KCNN2: variants seen among roughly 807,000 people sequenced by gnomAD.
KCNN2 encodes the protein potassium calcium-activated channel subfamily N member 2, also known as small conductance calcium-activated potassium channel protein 2.
KCNN2 carries 24 observed loss-of-function variants against 55.5 expected under a neutral mutation model. The observed-to-expected ratio is 0.43, with a 90% CI of 0.31 to 0.61. The LOEUF (loss-of-function observed/expected upper bound fraction) is 0.61, where lower values mean the gene tolerates loss of function less well. Ranked by LOEUF, KCNN2 falls within the 20% of genes least tolerant of loss-of-function variation. The pLI, the probability that KCNN2 is intolerant of heterozygous loss-of-function variation, is 0.08. For missense variants in KCNN2, 754 were observed against 853.6 expected, an observed-to-expected ratio of 0.88 and a Z score of 1.45; for synonymous variants, 431 against 336.1, an observed-to-expected ratio of 1.28 and a Z score of -3.09.
At chr5:114,305,488 G>C (rs1007097337) in intron 2 of KCNN2, among the ~76,000 whole-genome samples, 1 of 152,156 alleles carries the variant, frequency 6.6e-6, no homozygotes, top group Non-Finnish European at 1.5e-5. Flanking sequence ...GATGGGTCAA[G>C]GGAGTCAGGG....
chr5:114,292,194 A>C (rs544269058), intron 2 of KCNN2, among the ~76,000 whole-genome samples: 2 of 152,248 alleles, frequency 1.3e-5, no homozygotes, highest in Admixed American at 1.3e-4. Context: ...TCTTTAGTTT[A>C]ATTAGATCCC....
At chr5:114,294,576 G>C (rs1285483377) in intron 2 of KCNN2, among the ~76,000 whole-genome samples, 4 of 151,462 alleles carry the variant, frequency 2.6e-5, no homozygotes, top group Non-Finnish European at 5.9e-5. Flanking sequence ...TATAATTTCT[G>C]TTCTTTTACA....
At chr5:114,313,193 A>G (rs1319943757) in intron 2 of KCNN2, among the ~76,000 whole-genome samples, 1 of 152,134 alleles carries the variant, frequency 6.6e-6, no homozygotes, top group Non-Finnish European at 1.5e-5. Context: ...CTGCTGGAAC[A>G]TTGAAGATTG....
At chr5:114,379,095 A>G (rs140885408) in intron 2 of KCNN2, among the ~76,000 whole-genome samples, 2 of 152,064 alleles carry the variant, frequency 1.3e-5, no homozygotes, top group Non-Finnish European at 2.9e-5. Context: ...AGCACCTCCC[A>G]GCCTTGTCAT....
At chr5:114,219,189 A>G (rs1283850575) in intron 1 of KCNN2, among the ~76,000 whole-genome samples, 5 of 152,212 alleles carry the variant, frequency 3.3e-5, no homozygotes, top group African/African-American at 4.8e-5. Flanking sequence ...CATGTGTTAC[A>G]GTGCTATTTT....
At position 114,076,762 on chromosome 5, in the gene KCNN2, C is replaced by T. The variant is rs564021935; in HGVS notation, c.-271+20262C>T. Among the ~76,000 whole-genome samples the T allele has an allele frequency of 3.3e-5, 5 of 152,242 alleles. No individual in the cohort carries two copies. In the East Asian group the frequency reaches 5.8e-4, roughly 18 times the overall value. On this transcript the variant is annotated intron_variant, in intron 1 of 10. Transcript: ENST00000512097. ...AGGCTGGAGTGCAGTGGTGCGATCT[C>T]GGCTTACTGCAACCTCAGCCTCCCA...
intron 1 of KCNN2, among the ~76,000 whole-genome samples, chr5:114,182,158 C>A (rs183437096): frequency 2.0e-5 from 3 of 152,200 alleles, no homozygotes; most frequent in African/African-American, 7.2e-5. Flanking sequence ...TGCAGAAACT[C>A]AAATGACTTT....
Position 114,362,977 on chromosome 5 carries a change from G to T in KCNN2, c.838G>T (p.Val280Leu), listed in dbSNP as rs368550277. Residue 280 changes from valine to leucine, a missense_variant, in exon 1 of 8, where the codon GTG becomes TTG. This residue lies in a region of KCNN2 where 381 missense variants were observed against 259.1 expected (regional missense o/e 1.47). Coordinates refer to ENST00000673685, the MANE Select transcript of KCNN2 (RefSeq NM_021614.4). ...TTCGTCCTCAGCCCCCGAGATCGTG[G>T]TGTCTAAGCCCGAGCACAACAACTC... ...AVSSSAPEIV[V>L]SKPEHNNSNN... is the part of the protein sequence containing the mutation. 3.8e-6 allele frequency: 6 copies of T among 1,590,404 alleles called. No individual in the cohort carries two copies. In the African/African-American group the frequency reaches 4.0e-5, roughly 11 times the overall value.
chr5:114,102,918 G>GCA (rs1751401972), intron 1 of KCNN2, among the ~76,000 whole-genome samples: 1 of 152,040 alleles, frequency 6.6e-6, no homozygotes, highest in African/African-American at 2.4e-5. Flanking sequence ...TTGGCTATAT[G>GCA]GGCTCTTTTT....
rs1757492095 is a variant in KCNN2, at chr5:114,363,071, G to A, written c.932G>A (p.Ser311Asn). 1.2e-6 allele frequency: 2 copies of A among 1,610,014 alleles called. No individual in the cohort carries two copies. The highest frequency in any genetic ancestry group is 8.5e-7 in the Non-Finnish European group (1 of 1,179,444). Residue 311 changes from serine (S) to asparagine (N), a missense_variant, in exon 1 of 8, where the codon AGC becomes AAC. Transcript: ENST00000673685. ...STGGGGGGGG[S>N]GHGSSSGTKS... ...GGAGGAGGCGGCGGCGGTGGCGGGA[G>A]CGGGCACGGCAGCAGCAGTGGCACC...
chr5:114,059,174 A>G (rs1219893121), intron 1 of KCNN2, among the ~76,000 whole-genome samples: 2 of 152,186 alleles, frequency 1.3e-5, no homozygotes, highest in African/African-American at 2.4e-5. Flanking sequence ...GATTAGATAT[A>G]AGGGTTATTA....
chr5:114,438,359 G>A (rs1030272145), intron 3 of KCNN2, among the ~76,000 whole-genome samples: 4 of 152,144 alleles, frequency 2.6e-5, no homozygotes, highest in African/African-American at 9.7e-5. Context: ...ATTTTGGCTG[G>A]GTCATTGGCA....
intron 2 of KCNN2, among the ~76,000 whole-genome samples, chr5:114,325,719 CT>C (rs1489088841): frequency 6.6e-6 from 1 of 152,188 alleles, no homozygotes; most frequent in Non-Finnish European, 1.5e-5. Context: ...CTCCACAGTG[CT>C]TCAAAGGAGA....
rs140885408 is a variant in KCNN2 at position 114,379,095 on chromosome 5, A to T, written c.1218+15094A>T. On this transcript the variant is annotated intron_variant, in intron 2 of 7. Coordinates refer to ENST00000673685, the MANE Select transcript of KCNN2 (RefSeq NM_021614.4). ...TCAGGGCCGCAGCTCAGCACCTCCC[A>T]GCCTTGTCATTCCTCTTAGACCTCC... Among the ~76,000 whole-genome samples, 191 of 152,182 alleles carry T rather than the reference A, an allele frequency of 1.3e-3. 2 individuals carry two copies. Among genetic ancestry groups the T allele is most frequent in the African/African-American group, 4.4e-3 (184 of 41,522 alleles).
At chr5:114,165,936 A>G (rs1247706273) in intron 1 of KCNN2, among the ~76,000 whole-genome samples, 1 of 151,974 alleles carries the variant, frequency 6.6e-6, no homozygotes, top group Admixed American at 6.6e-5. Flanking sequence ...ACTCATTCTT[A>G]TTTTTGCCAA....
intron 3 of KCNN2, among the ~76,000 whole-genome samples, chr5:114,417,594 C>T (rs1054484457): frequency 5.9e-5 from 9 of 152,192 alleles, no homozygotes; most frequent in African/African-American, 1.7e-4. Context: ...TTTATTGTGA[C>T]GTAGGTGCCT....
chr5:114,144,805 A>T (rs73779709), intron 1 of KCNN2, among the ~76,000 whole-genome samples: 1,459 of 127,440 alleles, frequency 0.011, 24 homozygotes, highest in African/African-American at 0.041. Flanking sequence ...GTACTCTGTG[A>T]ATGTGGGGTG....
At chr5:114,275,777 C>A (rs975589509) in intron 2 of KCNN2, among the ~76,000 whole-genome samples, 1 of 151,984 alleles carries the variant, frequency 6.6e-6, no homozygotes, top group Non-Finnish European at 1.5e-5. Flanking sequence ...TTCAAAAAAC[C>A]AGCTCCTGGA....
At chr5:114,201,979 G>A (rs1046778846) in intron 1 of KCNN2, among the ~76,000 whole-genome samples, 9 of 151,140 alleles carry the variant, frequency 6.0e-5, no homozygotes, top group Admixed American at 1.3e-4. Flanking sequence ...AGCAGCATGG[G>A]CAAGAAGCTG....
Sources: gnomAD v4.1 joint callset for allele counts (sites outside exome capture counted in the v4.1 genomes callset) on GRCh38, gnomAD v4.1.1 for gene constraint, gnomAD v4.1.1 regional missense constraint, MANE v1.5 for transcripts, NCBI Gene and HGNC (gene_info 2026-07-23, HGNC 2026-07-21) for gene names.